SGCD: variants seen among roughly 807,000 people sequenced by gnomAD.
SGCD encodes the protein delta-sarcoglycan.
A neutral mutation model predicts 36.6 loss-of-function variants in SGCD; 18 were observed. That is an observed-to-expected ratio of 0.49 (90% CI 0.34 to 0.73). The LOEUF (loss-of-function observed/expected upper bound fraction) is 0.73, where lower values mean the gene tolerates loss of function less well. Among genes scored for constraint, SGCD ranks in the 30% least tolerant of loss-of-function variants. SGCD has a pLI of 0.01. For missense variants in SGCD, 387 were observed against 346.7 expected (o/e 1.12, Z -0.92); for synonymous variants, 133 against 130.6 (o/e 1.02, Z -0.12).
At chr5:156,096,461 G>A (rs1761377984) in intron 1 of SGCD, among the ~76,000 whole-genome samples, 1 of 152,180 alleles carries the variant, frequency 6.6e-6, no homozygotes, top group African/African-American at 2.4e-5. Context: ...GGTATGATGG[G>A]TATGCAGGAA....
At chr5:156,160,713 A>AT (rs141698850) in intron 3 of SGCD, among the ~76,000 whole-genome samples, 6,094 of 150,676 alleles carry the variant, frequency 0.04, 632 homozygotes, top group African/African-American at 0.14. Context: ...TAAGTTTCTG[A>AT]TTTTTTTTTG....
At chr5:156,352,660 T>A (rs1283203435) in intron 3 of SGCD, among the ~76,000 whole-genome samples, 2 of 152,210 alleles carry the variant, frequency 1.3e-5, no homozygotes, top group Non-Finnish European at 2.9e-5. Flanking sequence ...TGTGATCATG[T>A]AAGAAATGAA....
intron 4 of SGCD, among the ~76,000 whole-genome samples, chr5:156,554,275 A>G (rs968794518): frequency 2.6e-5 from 4 of 151,970 alleles, no homozygotes; most frequent in African/African-American, 9.7e-5. Context: ...GAATTGCTTG[A>G]AATCAGGAGG....
chr5:156,466,138 T>C (rs1217989543), intron 3 of SGCD, among the ~76,000 whole-genome samples: 1 of 152,172 alleles, frequency 6.6e-6, no homozygotes, highest in African/African-American at 2.4e-5. Flanking sequence ...TTTTTCAATA[T>C]ATTGTGAGAG....
intron 6 of SGCD, among the ~76,000 whole-genome samples, chr5:156,610,817 C>G (rs1761762507): frequency 6.6e-6 from 1 of 152,246 alleles, no homozygotes; most frequent in African/African-American, 2.4e-5. Context: ...GAGCAAGGCT[C>G]TGTGGGCGTA....
At chr5:156,250,549 C>T (rs1383064701) in intron 3 of SGCD, among the ~76,000 whole-genome samples, 1 of 152,076 alleles carries the variant, frequency 6.6e-6, no homozygotes, top group Non-Finnish European at 1.5e-5. Context: ...GCTCACACTG[C>T]TCTAGTCCAG....
intron 3 of SGCD, among the ~76,000 whole-genome samples, chr5:156,206,711 G>A (rs1764288598): frequency 6.6e-6 from 1 of 151,976 alleles, no homozygotes; most frequent in Non-Finnish European, 1.5e-5. Flanking sequence ...TATACTATAA[G>A]TTTGGCAGTG....
At chr5:156,215,123 G>A (rs985401878) in intron 3 of SGCD, among the ~76,000 whole-genome samples, 1 of 151,838 alleles carries the variant, frequency 6.6e-6, no homozygotes, top group Non-Finnish European at 1.5e-5. Flanking sequence ...TTAGAATGTG[G>A]GATGCTCAAC....
intron 3 of SGCD, among the ~76,000 whole-genome samples, chr5:156,301,450 A>T (rs1371155619): frequency 6.6e-6 from 1 of 151,994 alleles, no homozygotes; most frequent in South Asian, 2.1e-4. Flanking sequence ...TTTATATCTT[A>T]TTATACTGTC....
intron 1 of SGCD, among the ~76,000 whole-genome samples, chr5:155,939,393 C>T (rs546549884): frequency 1.3e-5 from 2 of 152,124 alleles, no homozygotes; most frequent in African/African-American, 4.8e-5. Flanking sequence ...GTAATCCCAG[C>T]ACTTTGGGAG....
intron 3 of SGCD, among the ~76,000 whole-genome samples, chr5:156,440,404 T>C (rs1384377436): frequency 2.0e-5 from 3 of 152,216 alleles, no homozygotes; most frequent in African/African-American, 7.2e-5. Context: ...TTTTAGCTAT[T>C]ATAAATAATG....
chr5:156,085,124 C>A (rs1761061232), intron 1 of SGCD, among the ~76,000 whole-genome samples: 1 of 151,940 alleles, frequency 6.6e-6, no homozygotes, highest in South Asian at 2.1e-4. Flanking sequence ...ATTTTTGCCT[C>A]TAAGTTCATG....
chr5:156,181,362 A>T (rs1763601099), intron 3 of SGCD, among the ~76,000 whole-genome samples: 1 of 152,202 alleles, frequency 6.6e-6, no homozygotes, highest in East Asian at 1.9e-4. Flanking sequence ...TGGACTAAAA[A>T]ACTTGCTATC....
intron 7 of SGCD, among the ~76,000 whole-genome samples, chr5:156,755,845 G>T (rs1240821117): frequency 2.6e-5 from 4 of 152,262 alleles, no homozygotes; most frequent in African/African-American, 9.6e-5. Flanking sequence ...ATTGTAGGGG[G>T]GGACAATTCA....
intron 6 of SGCD, among the ~76,000 whole-genome samples, chr5:156,641,454 A>C (rs1763023878): frequency 6.6e-6 from 1 of 152,224 alleles, no homozygotes; most frequent in Admixed American, 6.5e-5. Context: ...TTCATTACTC[A>C]AAGAATTATT....
At chr5:156,705,808 T>C (rs1444692838) in intron 7 of SGCD, among the ~76,000 whole-genome samples, 2 of 152,148 alleles carry the variant, frequency 1.3e-5, no homozygotes, top group Non-Finnish European at 2.9e-5. Context: ...GAATAGTCCC[T>C]TACTAATTTA....
At chr5:155,963,227 T>G (rs2113452953) in intron 1 of SGCD, among the ~76,000 whole-genome samples, 1 of 152,234 alleles carries the variant, frequency 6.6e-6, no homozygotes, top group South Asian at 2.1e-4. Flanking sequence ...AAAAGCTTTC[T>G]TAACTTGAAT....
At chr5:156,271,788 C>T (rs1581209681) in intron 3 of SGCD, among the ~76,000 whole-genome samples, 2 of 152,258 alleles carry the variant, frequency 1.3e-5, no homozygotes, top group South Asian at 4.1e-4. Flanking sequence ...CTAAAGTTAG[C>T]TTGCTAAATG....
intron 3 of SGCD, among the ~76,000 whole-genome samples, chr5:156,147,985 G>A (rs1007265095): frequency 6.6e-6 from 1 of 152,160 alleles, no homozygotes; most frequent in Non-Finnish European, 1.5e-5. Context: ...CATTCCTGGG[G>A]CTAGAAAAGC....
Sources: allele counts gnomAD v4.1 joint callset (sites outside exome capture counted in the v4.1 genomes callset), GRCh38; gene constraint gnomAD v4.1.1; transcripts MANE v1.5; gene names NCBI Gene and HGNC (gene_info 2026-07-23, HGNC 2026-07-21).